The following SLC8A1 variants were observed in gnomAD, a reference collection of about 807,000 sequenced individuals.
SLC8A1 encodes the protein sodium/calcium exchanger 1.
In SLC8A1, 18 loss-of-function variants were observed where a neutral mutation model predicts 68.3. That is an observed-to-expected ratio of 0.26 (90% CI 0.18 to 0.39). The LOEUF is 0.39. SLC8A1 is among the 10% of genes least tolerant of loss of function. The pLI is 1.00. For synonymous variants in SLC8A1, 475 were observed against 415.5 expected (o/e 1.14, Z -1.74); for missense variants, 985 against 1,156.7 (o/e 0.85, Z 2.15).
At chr2:40,342,055 T>G (rs897705154) in intron 2 of SLC8A1, among the ~76,000 whole-genome samples, 7 of 152,136 alleles carry the variant, frequency 4.6e-5, no homozygotes, top group African/African-American at 1.7e-4. Context: ...AGAGAAGGTG[T>G]ATTTTGTTTG....
intron 2 of SLC8A1, among the ~76,000 whole-genome samples, chr2:40,398,523 A>G (rs1039081289): frequency 1.3e-5 from 2 of 152,252 alleles, no homozygotes; most frequent in African/African-American, 4.8e-5. Context: ...AATATCCACT[A>G]TCATACCATT....
At chr2:40,315,514 A>C (rs983625977) in intron 2 of SLC8A1, among the ~76,000 whole-genome samples, 1 of 149,908 alleles carries the variant, frequency 6.7e-6, no homozygotes, top group African/African-American at 2.4e-5. Context: ...TGCTACATCC[A>C]ACTGGGTTAG....
intron 7 of SLC8A1, among the ~76,000 whole-genome samples, chr2:40,119,496 T>C (rs778840817): frequency 1.3e-5 from 2 of 152,216 alleles, no homozygotes; most frequent in Non-Finnish European, 2.9e-5. Context: ...TCACATACCA[T>C]ATGTTAGGTG....
At chr2:40,409,497 C>G (rs1046007381) in intron 2 of SLC8A1, among the ~76,000 whole-genome samples, 1 of 152,104 alleles carries the variant, frequency 6.6e-6, no homozygotes, top group Admixed American at 6.6e-5. Flanking sequence ...TAATCAGAAA[C>G]ATTCACACAT....
intron 2 of SLC8A1, among the ~76,000 whole-genome samples, chr2:40,338,323 AAAC>A (rs1242669775): frequency 6.6e-6 from 1 of 152,196 alleles, no homozygotes; most frequent in East Asian, 1.9e-4. Flanking sequence ...AAACAAAAAC[AAAC>A]AACAGTGTGT....
intron 2 of SLC8A1, among the ~76,000 whole-genome samples, chr2:40,234,122 C>T (rs2060046232): frequency 1.3e-5 from 2 of 151,998 alleles, no homozygotes; most frequent in African/African-American, 4.8e-5. Context: ...GTACTTTTTT[C>T]CAATTCTGTG....
At chr2:40,280,809 A>C (rs1437194930) in intron 2 of SLC8A1, among the ~76,000 whole-genome samples, 1 of 152,222 alleles carries the variant, frequency 6.6e-6, no homozygotes. Flanking sequence ...ACCCTGTAAC[A>C]ATAGCCAGGC....
At chr2:40,462,126 C>A (rs1703386653) in intron 1 of SLC8A1, among the ~76,000 whole-genome samples, 1 of 150,056 alleles carries the variant, frequency 6.7e-6, no homozygotes, top group Non-Finnish European at 1.5e-5. Context: ...CCTGCCTGAG[C>A]CTCCCAAAAA....
chr2:40,357,330 A>C (rs1301475903), intron 2 of SLC8A1, among the ~76,000 whole-genome samples: 1 of 151,436 alleles, frequency 6.6e-6, no homozygotes, highest in African/African-American at 2.4e-5. Flanking sequence ...TGTCTCTACA[A>C]AACATTTTTT....
chr2:40,380,809 T>C (rs927027650), intron 2 of SLC8A1, among the ~76,000 whole-genome samples: 6 of 152,124 alleles, frequency 3.9e-5, no homozygotes, highest in African/African-American at 1.2e-4. Flanking sequence ...CAGCTAGATC[T>C]GGCCTCCCTA....
chr2:40,491,477 T>G (rs1331262881), intron 1 of SLC8A1, among the ~76,000 whole-genome samples: 1 of 152,144 alleles, frequency 6.6e-6, no homozygotes, highest in African/African-American at 2.4e-5. Context: ...ACCCTTTATT[T>G]CCTTCTCCTG....
chr2:40,174,793 G>T (rs1225194429), intron 4 of SLC8A1, 32 bp downstream of exon 5: 1 of 1,604,938 alleles, frequency 6.2e-7, no homozygotes, highest in Non-Finnish European at 8.5e-7. Flanking sequence ...GACAGTAAAA[G>T]TTAGATAGCA....
chr2:40,153,435 T>C (rs1414584711), intron 6 of SLC8A1, among the ~76,000 whole-genome samples: 1 of 152,192 alleles, frequency 6.6e-6, no homozygotes, highest in African/African-American at 2.4e-5. Flanking sequence ...TTAAACACTT[T>C]ATTTGTCATC....
chr2:40,276,904 T>C (rs1363595283), intron 2 of SLC8A1, among the ~76,000 whole-genome samples: 2 of 152,196 alleles, frequency 1.3e-5, no homozygotes, highest in Non-Finnish European at 2.9e-5. Context: ...GGAAAAAACT[T>C]CACCTTTTGT....
At chr2:40,195,923 T>G (rs2052900096) in intron 2 of SLC8A1, 2 of 151,882 alleles carry the variant, frequency 1.3e-5, no homozygotes, top group African/African-American at 4.8e-5. Flanking sequence ...ATTGTAATAA[T>G]ATCACTGGTA....
At chr2:40,472,553 C>T (rs1426981415) in intron 1 of SLC8A1, among the ~76,000 whole-genome samples, 2 of 151,998 alleles carry the variant, frequency 1.3e-5, no homozygotes, top group African/African-American at 4.8e-5. Context: ...TTTTTAGAGA[C>T]AAGGGCTTAC....
At chr2:40,235,912 G>A (rs1370790108) in intron 2 of SLC8A1, among the ~76,000 whole-genome samples, 1 of 151,866 alleles carries the variant, frequency 6.6e-6, no homozygotes, top group Non-Finnish European at 1.5e-5. Flanking sequence ...GAGGGGTTTT[G>A]AGTGAGATTC....
Position 40,206,717 on chromosome 2 carries a change from A to G in SLC8A1, c.1809-28862T>C, listed in dbSNP as rs762577137. Among the ~76,000 whole-genome samples the G allele has an allele frequency of 5.3e-5, 8 of 152,084 alleles. No homozygotes were observed. In the South Asian group the frequency reaches 1.2e-3, roughly 24 times the overall value. On this transcript the variant is annotated intron_variant, in intron 2 of 7. Coordinates refer to ENST00000406785, the Ensembl canonical transcript of SLC8A1. ...ATGTCAGAGATAAAATTGGTATACT[A>G]TTTTCACCCCTACGATCTACATGGT... is the stretch of plus-strand genomic sequence containing the variant.
intron 1 of SLC8A1, among the ~76,000 whole-genome samples, chr2:40,447,009 T>C (rs544034440): frequency 2.6e-5 from 4 of 152,336 alleles, no homozygotes; most frequent in African/African-American, 9.6e-5. Context: ...TGCTCTCACA[T>C]TGGATCCAAC....
Sources: gnomAD v4.1 joint callset for allele counts (sites outside exome capture counted in the v4.1 genomes callset) on GRCh38, gnomAD v4.1.1 for gene constraint, MANE v1.5 for transcripts, NCBI Gene and HGNC (gene_info 2026-07-23, HGNC 2026-07-21) for gene names.